Variants in LRRC72 observed in about 807,000 individuals in gnomAD.
LRRC72 encodes leucine-rich repeat-containing protein 72.
In LRRC72, 41 loss-of-function variants were observed where a neutral mutation model predicts 35.8. That is an observed-to-expected ratio of 1.15 (90% confidence interval 0.89 to 1.49). LRRC72 has a LOEUF of 1.49. Among genes scored for constraint, LRRC72 ranks in the 40% most tolerant of loss-of-function variants. The probability of loss-of-function intolerance (pLI) is 0.00; values close to 1 mark genes in which losing one functional copy is unlikely to be tolerated. For missense variants in LRRC72, 389 were observed against 330.7 expected (o/e 1.18, Z -1.37); for synonymous variants, 118 against 119.2 (o/e 0.99, Z 0.07).
chr7:16,579,029 A>G (rs893537516), intron 7 of LRRC72, among the ~76,000 whole-genome samples: 5 of 152,226 alleles, frequency 3.3e-5, no homozygotes, highest in African/African-American at 1.2e-4. Context: ...AAATGAATAA[A>G]TTCTAAAGAT....
At chr7:16,568,272 C>T (rs1308440085) in intron 7 of LRRC72, among the ~76,000 whole-genome samples, 1 of 152,112 alleles carries the variant, frequency 6.6e-6, no homozygotes, top group African/African-American at 2.4e-5. Context: ...CATCTCCATT[C>T]CACGAAGGAA....
chr7:16,531,940 G>A (rs1583633845), intron 1 of LRRC72, among the ~76,000 whole-genome samples: 1 of 152,258 alleles, frequency 6.6e-6, no homozygotes, highest in African/African-American at 2.4e-5. Context: ...TGCCAAGCAA[G>A]GGAAAATGTA....
chr7:16,549,602 A>C (rs148575179), intron 3 of LRRC72, among the ~76,000 whole-genome samples: 3 of 152,224 alleles, frequency 2.0e-5, no homozygotes, highest in Non-Finnish European at 4.4e-5. Flanking sequence ...ACCAGAATTA[A>C]CTTTCAACTG....
At position 16,570,216 on chromosome 7, in the gene LRRC72, A is replaced by G. The variant is rs1782920226; in HGVS notation, c.670+2673A>G. Among the ~76,000 whole-genome samples, 4 of 152,172 alleles carry G rather than the reference A, an allele frequency of 2.6e-5. No individual in the cohort carries two copies. The South Asian group carries it at 8.3e-4, about 32-fold the overall frequency. ...GTATAGTGATAAACTTGGTCATAGA[A>G]ATGTGTGCATACATGAGAAATGTAG... On this transcript the variant is annotated intron_variant, in intron 7 of 8. Transcript: ENST00000401542.
intron 3 of LRRC72, among the ~76,000 whole-genome samples, chr7:16,551,390 C>T (rs556513075): frequency 1.3e-5 from 2 of 152,174 alleles, no homozygotes; most frequent in Non-Finnish European, 2.9e-5. Context: ...AAGTGATAAG[C>T]ATCTTTTAGT....
At chr7:16,535,428 A>G (rs1375735184) in intron 2 of LRRC72, among the ~76,000 whole-genome samples, 4 of 152,194 alleles carry the variant, frequency 2.6e-5, no homozygotes, top group Non-Finnish European at 5.9e-5. Context: ...TGTTCATTAC[A>G]GAAGAATAGC....
At chr7:16,527,303 C>T (rs1782087068) in intron 1 of LRRC72, among the ~76,000 whole-genome samples, 1 of 152,162 alleles carries the variant, frequency 6.6e-6, no homozygotes, top group Non-Finnish European at 1.5e-5. Context: ...GTCCTAATCC[C>T]CTGGGTGGGG....
At chr7:16,555,402 C>G (rs1004595223) in intron 3 of LRRC72, among the ~76,000 whole-genome samples, 3 of 152,124 alleles carry the variant, frequency 2.0e-5, no homozygotes, top group Non-Finnish European at 4.4e-5. Context: ...CCAATAAATC[C>G]TCACTAAGTC....
chr7:16,529,781 C>T (rs1208140604), intron 1 of LRRC72, among the ~76,000 whole-genome samples: 1 of 152,198 alleles, frequency 6.6e-6, no homozygotes, highest in African/African-American at 2.4e-5. Context: ...TTTCACCTCA[C>T]ATTTTTTGAA....
intron 3 of LRRC72, among the ~76,000 whole-genome samples, chr7:16,543,659 C>T (rs1782397577): frequency 1.3e-5 from 2 of 152,208 alleles, no homozygotes; most frequent in Admixed American, 1.3e-4. Flanking sequence ...AGTCACTGAA[C>T]AGGCATCTAA....
In LRRC72 at chr7:16,537,696, G is replaced by T; in HGVS notation, c.234G>T (p.Lys78Asn). 2 of 1,441,588 alleles carry T rather than the reference G, an allele frequency of 1.4e-6. No individual in the cohort carries two copies. Among genetic ancestry groups the T allele is most frequent in the Non-Finnish European group, 1.9e-6 (2 of 1,064,442 alleles). The allele number at this position is 1,441,588 out of a possible 1,614,324, so 89.3% of individuals were successfully genotyped here. Residue 78 changes from lysine (K) to asparagine (N), a missense_variant and splice_region_variant, in exon 3 of 9, where the codon AAG becomes AAT. Lys to Asn is a moderately conservative substitution (Grantham distance 94, BLOSUM62 0). Transcript: ENST00000401542. ...KLKYLWLHHN[K>N]LHGITFLTRN... ...AATACTTATGGCTTCATCATAACAA[G>T]GTAGTGTTTTATTTTATCTTTCAAT...
intron 6 of LRRC72, among the ~76,000 whole-genome samples, chr7:16,567,059 C>G (rs1782856811): frequency 6.6e-6 from 1 of 152,064 alleles, no homozygotes; most frequent in South Asian, 2.1e-4. Flanking sequence ...ACATCGGAAA[C>G]TTATGGTTAT....
At chr7:16,556,045 T>C (rs578230425) in intron 3 of LRRC72, among the ~76,000 whole-genome samples, 3 of 150,820 alleles carry the variant, frequency 2.0e-5, no homozygotes, top group East Asian at 2.0e-4. Context: ...TCTTTTAAAT[T>C]TGATGGATGT....
At position 16,526,967 on chromosome 7, in the gene LRRC72, G is replaced by T; in HGVS notation, c.15G>T (p.Pro5=). The change falls in exon 1 of 9, where the codon CCG becomes CCT. Residue 5 remains proline, a synonymous_variant. Transcript: ENST00000401542. Reference sequence around the variant, plus strand: ...CATGTGTCCTGATGTCCTGGGACCCGAACCCCGTGCCCCGTACCTTGCGAT... The same window carrying T: ...CATGTGTCCTGATGTCCTGGGACCCTAACCCCGTGCCCCGTACCTTGCGAT... MSWD[P]NPVPRTLRCW... is the part of the protein sequence containing the mutation. 6.5e-7 allele frequency: 1 copy of T among 1,539,850 alleles called. No individual in the cohort carries two copies.
chr7:16,546,932 T>G (rs1191504960), intron 3 of LRRC72, among the ~76,000 whole-genome samples: 2 of 152,166 alleles, frequency 1.3e-5, no homozygotes, highest in Admixed American at 6.5e-5. Context: ...GAGCAGTTGC[T>G]GCCATTATAC....
chr7:16,563,978 G>A (rs1782784966), intron 5 of LRRC72, among the ~76,000 whole-genome samples: 1 of 152,184 alleles, frequency 6.6e-6, no homozygotes, highest in South Asian at 2.1e-4. Context: ...TTATTCAGCT[G>A]AAGCTAGTTT....
At chr7:16,532,710 T>A in intron 2 of LRRC72, 142 bp downstream of exon 2, 1 of 730,164 alleles carries the variant, frequency 1.4e-6, no homozygotes. Context: ...CTTCCTGGAA[T>A]CCACAGTTTT....
intron 2 of LRRC72, among the ~76,000 whole-genome samples, chr7:16,535,649 G>C (rs190125632): frequency 2.0e-5 from 3 of 152,278 alleles, no homozygotes; most frequent in Admixed American, 2.0e-4. Context: ...AGAACTGGCA[G>C]ATACCCTCTT....
intron 1 of LRRC72, among the ~76,000 whole-genome samples, chr7:16,529,422 T>G (rs180849321): frequency 6.6e-6 from 1 of 152,354 alleles, no homozygotes; most frequent in East Asian, 1.9e-4. Context: ...TTCACTGTAT[T>G]GTACTTGCAG....
Sources: allele counts gnomAD v4.1 joint callset (sites outside exome capture counted in the v4.1 genomes callset), GRCh38; gene constraint gnomAD v4.1.1; transcripts MANE v1.5; gene names NCBI Gene and HGNC (gene_info 2026-07-23, HGNC 2026-07-21).